Variants in THADA observed in about 807,000 individuals in gnomAD.
THADA encodes the protein tRNA (32-2'-O)-methyltransferase regulator THADA.
THADA carries 213 observed loss-of-function variants against 219.8 expected under a neutral mutation model. The ratio of observed to expected loss-of-function variants is 0.97; its 90% CI spans 0.87 to 1.09. The LOEUF is 1.09. THADA is among the 50% of genes least tolerant of loss of function. The probability of loss-of-function intolerance (pLI) is 0.00; values close to 1 mark genes in which losing one functional copy is unlikely to be tolerated. For missense variants in THADA, 2,956 were observed against 2,311.3 expected (o/e 1.28, Z -5.72); for synonymous variants, 1,018 against 828.9 (o/e 1.23, Z -3.92).
intron 31 of THADA, among the ~76,000 whole-genome samples, chr2:43,294,967 T>C (rs1451570319): frequency 2.0e-5 from 3 of 152,146 alleles, no homozygotes; most frequent in Non-Finnish European, 4.4e-5. Context: ...TAATAGAAAT[T>C]GGGTAAACCA....
At chr2:43,511,009 AT>A (rs897322483) in intron 22 of THADA, among the ~76,000 whole-genome samples, 12 of 151,050 alleles carry the variant, frequency 7.9e-5, no homozygotes, top group African/African-American at 2.7e-4. Flanking sequence ...AAAAGCAAAA[AT>A]TTTTTTTTGG....
intron 36 of THADA, among the ~76,000 whole-genome samples, chr2:43,256,121 T>C (rs759904121): frequency 1.3e-5 from 2 of 152,234 alleles, no homozygotes; most frequent in Non-Finnish European, 2.9e-5. Context: ...TGGATGTTCA[T>C]GAATCCAAGA....
intron 24 of THADA, among the ~76,000 whole-genome samples, chr2:43,501,200 G>A (rs376119452): frequency 2.0e-5 from 3 of 150,404 alleles, no homozygotes; most frequent in South Asian, 2.1e-4. Context: ...CGGCTACTCA[G>A]GAGGCTGAGG....
intron 21 of THADA, 53 bp from the exon 22 acceptor site, chr2:43,528,041 G>T: frequency 8.2e-7 from 1 of 1,225,074 alleles, no homozygotes; most frequent in Non-Finnish European, 1.2e-6. Flanking sequence ...ATTCGCAAGT[G>T]TATTTATATC....
chr2:43,574,093 T>C (rs1354777023), intron 11 of THADA, among the ~76,000 whole-genome samples: 1 of 152,212 alleles, frequency 6.6e-6, no homozygotes, highest in Non-Finnish European at 1.5e-5. Flanking sequence ...AACCTTGTAA[T>C]ACAGGAAAGT....
intron 25 of THADA, among the ~76,000 whole-genome samples, chr2:43,493,170 T>C (rs1443791512): frequency 6.6e-6 from 1 of 152,098 alleles, no homozygotes; most frequent in Non-Finnish European, 1.5e-5. Context: ...ATGAACCAGA[T>C]TACCCTGGGG....
intron 36 of THADA, among the ~76,000 whole-genome samples, chr2:43,256,162 G>T (rs1359266329): frequency 1.3e-5 from 2 of 152,184 alleles, no homozygotes; most frequent in East Asian, 3.9e-4. Context: ...CTCCCAAAAT[G>T]AAGTGGTAAG....
intron 29 of THADA, among the ~76,000 whole-genome samples, chr2:43,356,960 G>C (rs982776772): frequency 6.6e-6 from 1 of 152,084 alleles, no homozygotes; most frequent in Non-Finnish European, 1.5e-5. Context: ...TTTGCAAAAA[G>C]ATACAGCATC....
chr2:43,349,858 G>A (rs6544646), intron 29 of THADA, among the ~76,000 whole-genome samples: 66,150 of 152,026 alleles, frequency 0.44, 15,113 homozygotes, highest in African/African-American at 0.54. Context: ...CATGCAGACT[G>A]CAGGTGAATA....
At chr2:43,421,968 C>A (rs989770980) in intron 28 of THADA, among the ~76,000 whole-genome samples, 3 of 152,208 alleles carry the variant, frequency 2.0e-5, no homozygotes, top group African/African-American at 7.2e-5. Context: ...GCAGGTTGAT[C>A]ATTTCATTCA....
At chr2:43,263,751 T>C (rs1671221172) in intron 36 of THADA, among the ~76,000 whole-genome samples, 1 of 152,208 alleles carries the variant, frequency 6.6e-6, no homozygotes, top group African/African-American at 2.4e-5. Context: ...TATTTTTAAG[T>C]TCCAGGGTAC....
intron 26 of THADA, among the ~76,000 whole-genome samples, chr2:43,484,786 A>G (rs6544661): frequency 0.61 from 93,172 of 151,812 alleles, 29,846 homozygotes; most frequent in African/African-American, 0.77. Flanking sequence ...CTCTTAGTAC[A>G]AGAGTTTAAT....
intron 8 of THADA, 69 bp from the exon 9 acceptor site, chr2:43,578,676 T>C: frequency 8.6e-7 from 1 of 1,161,966 alleles, no homozygotes; most frequent in Non-Finnish European, 1.2e-6. Context: ...AAAGAGCAGA[T>C]GCTGAGCAGC....
intron 36 of THADA, among the ~76,000 whole-genome samples, chr2:43,268,203 G>C (rs1021341298): frequency 3.9e-4 from 60 of 152,178 alleles, no homozygotes; most frequent in Admixed American, 2.4e-3. Context: ...GACATTCAGG[G>C]AGGGATTTCT....
chr2:43,307,608 C>T (rs1385607586), intron 31 of THADA, among the ~76,000 whole-genome samples: 1 of 152,212 alleles, frequency 6.6e-6, no homozygotes, highest in Non-Finnish European at 1.5e-5. Flanking sequence ...AGAGGAGCTA[C>T]ATTTGCCCTA....
chr2:43,473,533 G>C (rs1017761170), intron 26 of THADA, among the ~76,000 whole-genome samples: 3 of 151,936 alleles, frequency 2.0e-5, no homozygotes, highest in Non-Finnish European at 4.4e-5. Flanking sequence ...AACAATAAAA[G>C]ATATATTATA....
intron 8 of THADA, among the ~76,000 whole-genome samples, chr2:43,579,642 A>AT (rs1244117066): frequency 6.6e-6 from 1 of 152,228 alleles, no homozygotes; most frequent in Non-Finnish European, 1.5e-5. Context: ...AAAGGTAGGC[A>AT]TATAAGAGGG....
intron 22 of THADA, among the ~76,000 whole-genome samples, chr2:43,521,382 C>A (rs1278861221): frequency 6.6e-6 from 1 of 152,112 alleles, no homozygotes; most frequent in East Asian, 1.9e-4. Flanking sequence ...TGGCGAAACC[C>A]AGTCTCTATA....
At chr2:43,504,813 G>A (rs921764856) in intron 24 of THADA, among the ~76,000 whole-genome samples, 2 of 152,210 alleles carry the variant, frequency 1.3e-5, no homozygotes, top group African/African-American at 2.4e-5. Flanking sequence ...GAACCCAGGA[G>A]GCGGAGGTTG....
Sources: allele counts gnomAD v4.1 joint callset (sites outside exome capture counted in the v4.1 genomes callset), GRCh38; gene constraint gnomAD v4.1.1; transcripts MANE v1.5; gene names NCBI Gene and HGNC (gene_info 2026-07-23, HGNC 2026-07-21).